MYO10: variants seen among roughly 807,000 people sequenced by gnomAD.
MYO10 encodes the protein unconventional myosin-X.
A neutral mutation model predicts 257.3 loss-of-function variants in MYO10; 133 were observed. That is an observed-to-expected ratio of 0.52 (90% CI 0.45 to 0.60). The LOEUF is 0.60. MYO10 is among the 20% of genes least tolerant of loss of function. MYO10 has a pLI of 0.00. For missense variants in MYO10, 2,399 were observed against 2,635.7 expected, an observed-to-expected ratio of 0.91 and a Z score of 1.97; for synonymous variants, 1,104 against 1,028.6, an observed-to-expected ratio of 1.07 and a Z score of -1.40.
At chr5:16,881,521 A>T (rs1300276359) in intron 1 of MYO10, among the ~76,000 whole-genome samples, 1 of 152,226 alleles carries the variant, frequency 6.6e-6, no homozygotes, top group Non-Finnish European at 1.5e-5. Flanking sequence ...TTTCAAATCC[A>T]CAGCCCATTG....
At chr5:16,699,322 TC>T (rs1737914279) in intron 26 of MYO10, 127 bp downstream of exon 26, 1 of 1,270,590 alleles carries the variant, frequency 7.9e-7, no homozygotes, top group South Asian at 1.5e-5. Flanking sequence ...AGAACGACTT[TC>T]CCAGTCCCCA....
chr5:16,919,765 T>A (rs1033168261), intron 1 of MYO10, among the ~76,000 whole-genome samples: 24 of 152,080 alleles, frequency 1.6e-4, no homozygotes, highest in Admixed American at 1.6e-3. Context: ...TCACCTGAGG[T>A]CAGGAGTTTG....
intron 2 of MYO10, among the ~76,000 whole-genome samples, chr5:16,827,786 C>T (rs938832636): frequency 6.6e-6 from 1 of 152,072 alleles, no homozygotes; most frequent in Non-Finnish European, 1.5e-5. Context: ...GCAGAGGGAA[C>T]GGGTTTATTA....
chr5:16,674,771 C>T, intron 35 of MYO10, 82 bp downstream of exon 35: 1 of 1,502,496 alleles, frequency 6.7e-7, no homozygotes, highest in East Asian at 2.3e-5. Context: ...TGTTCAAAAG[C>T]CTCTTTATCT....
At chr5:16,876,401 T>C (rs1282877471) in intron 2 of MYO10, among the ~76,000 whole-genome samples, 1 of 152,174 alleles carries the variant, frequency 6.6e-6, no homozygotes, top group African/African-American at 2.4e-5. Context: ...ACAGTGGTGC[T>C]CCTATAAACA....
intron 3 of MYO10, chr5:16,815,301 G>T (rs1409389681): frequency 2.8e-5 from 15 of 529,994 alleles, no homozygotes; most frequent in Non-Finnish European, 5.0e-5. Context: ...TGGAATATTT[G>T]CATACTATGT....
At chr5:16,696,463 C>T (rs994526238) in intron 26 of MYO10, among the ~76,000 whole-genome samples, 7 of 152,066 alleles carry the variant, frequency 4.6e-5, no homozygotes, top group African/African-American at 7.2e-5. Flanking sequence ...TAAGAGATGC[C>T]GAAAACTCAC....
chr5:16,673,557 G>A (rs538507030), intron 36 of MYO10, 125 bp downstream of exon 36: 1 of 927,100 alleles, frequency 1.1e-6, no homozygotes, highest in African/African-American at 1.7e-5. Context: ...CCTTAGTATT[G>A]AGAGCTGTAC....
chr5:16,768,052 T>C (rs2126656006), intron 10 of MYO10, among the ~76,000 whole-genome samples: 1 of 152,222 alleles, frequency 6.6e-6, no homozygotes, highest in African/African-American at 2.4e-5. Context: ...GGGGGTTCTA[T>C]GATTTTTGAG....
chr5:16,901,542 G>A (rs953752514), intron 1 of MYO10, among the ~76,000 whole-genome samples: 8 of 152,034 alleles, frequency 5.3e-5, no homozygotes, highest in Admixed American at 2.0e-4. Flanking sequence ...CACCTTTCGC[G>A]TCCAACTCAC....
At chr5:16,761,400 T>G in intron 17 of MYO10, 64 bp downstream of exon 17, 1 of 1,292,278 alleles carries the variant, frequency 7.7e-7, no homozygotes. Flanking sequence ...ATTTGTGAAT[T>G]AAAAGCATTT....
chr5:16,903,031 T>C (rs71587641), intron 1 of MYO10, among the ~76,000 whole-genome samples: 24,855 of 152,254 alleles, frequency 0.16, 2,115 homozygotes, highest in East Asian at 0.32. Context: ...AGCTGACACA[T>C]TGACCATGTG....
chr5:16,796,389 C>T lies in MYO10; in HGVS notation c.280-1556G>A, dbSNP rs572065973. Among the ~76,000 whole-genome samples the T allele has an allele frequency of 9.5e-5, 12 of 125,770 alleles. No individual in the cohort carries two copies. The East Asian group carries it at 1.4e-3, about 14-fold the overall frequency. 82.5% of individuals were successfully genotyped at this position (125,770 alleles called of 152,430 possible). On this transcript the variant is annotated intron_variant, in intron 3 of 40. Transcript: ENST00000513610. ...AGGGAAGAAAAAGAAAAGAACAGAA[C>T]ACAACACAAAAGAAAAAGAAAGGAA...
intron 3 of MYO10, among the ~76,000 whole-genome samples, chr5:16,796,468 G>GAAAGA (rs1560989881): frequency 7.6e-5 from 4 of 52,932 alleles, no homozygotes; most frequent in East Asian, 7.3e-4. Flanking sequence ...AAGAAAGAAA[G>GAAAGA]AAAAGAAAAG....
intron 21 of MYO10, among the ~76,000 whole-genome samples, chr5:16,709,626 C>T (rs1039035834): frequency 1.3e-5 from 2 of 152,116 alleles, no homozygotes; most frequent in African/African-American, 4.8e-5. Context: ...CTGGAAGATA[C>T]CCTGAGGTCC....
intron 1 of MYO10, among the ~76,000 whole-genome samples, chr5:16,893,154 G>A (rs166186): frequency 0.019 from 2,353 of 124,752 alleles, 64 homozygotes; most frequent in African/African-American, 0.062. Context: ...CCGAGATTGC[G>A]CCACTGCACT....
intron 1 of MYO10, among the ~76,000 whole-genome samples, chr5:16,928,619 G>C (rs1193008758): frequency 6.6e-6 from 1 of 152,046 alleles, no homozygotes; most frequent in African/African-American, 2.4e-5. Flanking sequence ...GCTGTGACGG[G>C]TGGATCACAA....
intron 3 of MYO10, among the ~76,000 whole-genome samples, chr5:16,817,542 G>A (rs1742661531): frequency 1.3e-5 from 2 of 152,142 alleles, no homozygotes; most frequent in African/African-American, 2.4e-5. Flanking sequence ...AGAAAGATGG[G>A]TTCCCTTGAA....
intron 2 of MYO10, among the ~76,000 whole-genome samples, chr5:16,846,570 C>T (rs73060785): frequency 6.6e-6 from 1 of 152,110 alleles, no homozygotes; most frequent in African/African-American, 2.4e-5. Context: ...TAGTTGAAAC[C>T]GGTTGAGAAG....
Sources: allele counts gnomAD v4.1 joint callset (sites outside exome capture counted in the v4.1 genomes callset), GRCh38; gene constraint gnomAD v4.1.1; transcripts MANE v1.5; gene names NCBI Gene and HGNC (gene_info 2026-07-23, HGNC 2026-07-21).